Variants in NCOA3 observed in about 807,000 individuals in gnomAD.
NCOA3 encodes CBP-interacting protein.
A neutral mutation model predicts 158.8 loss-of-function variants in NCOA3; 51 were observed. That is an observed-to-expected ratio of 0.32 (90% CI 0.26 to 0.41). The LOEUF (loss-of-function observed/expected upper bound fraction) is 0.41. Ranked by LOEUF, NCOA3 falls within the 10% of genes least tolerant of loss-of-function variation. NCOA3 has a pLI of 1.00. For synonymous variants in NCOA3, 537 were observed against 592.4 expected, an observed-to-expected ratio of 0.91 and a Z score of 1.36; for missense variants, 1,510 against 1,746.6, an observed-to-expected ratio of 0.86 and a Z score of 2.41.
At chr20:47,576,608 CCT>C (rs1296704155) in intron 1 of NCOA3, among the ~76,000 whole-genome samples, 2 of 152,036 alleles carry the variant, frequency 1.3e-5, no homozygotes, top group Non-Finnish European at 2.9e-5. Context: ...TCTCCACTCC[CCT>C]GTCCTTAAAA....
intron 1 of NCOA3, among the ~76,000 whole-genome samples, chr20:47,536,382 C>A (rs1737098608): frequency 6.6e-6 from 1 of 152,162 alleles, no homozygotes; most frequent in African/African-American, 2.4e-5. Context: ...TGGCATGAGC[C>A]CCCTATCCGG....
chr20:47,509,756 T>C (rs942805715), intron 1 of NCOA3, among the ~76,000 whole-genome samples: 2 of 152,124 alleles, frequency 1.3e-5, no homozygotes, highest in Admixed American at 6.5e-5. Flanking sequence ...ATTAAAAAAA[T>C]TTGGCAATTT....
intron 1 of NCOA3, among the ~76,000 whole-genome samples, chr20:47,504,127 GGTT>G (rs1380886819): frequency 1.3e-5 from 2 of 152,140 alleles, no homozygotes. Context: ...ATTTTAGAAT[GGTT>G]GTTTTAACAG....
At chr20:47,524,066 A>G (rs2084387509) in intron 1 of NCOA3, among the ~76,000 whole-genome samples, 1 of 152,234 alleles carries the variant, frequency 6.6e-6, no homozygotes, top group African/African-American at 2.4e-5. Flanking sequence ...CCGAATGGTC[A>G]TTTTCCTGTC....
At chr20:47,565,839 A>G (rs1361992807) in intron 1 of NCOA3, among the ~76,000 whole-genome samples, 1 of 152,132 alleles carries the variant, frequency 6.6e-6, no homozygotes, top group Non-Finnish European at 1.5e-5. Flanking sequence ...ATTTTTGATA[A>G]TACTCCCATG....
At chr20:47,525,678 T>C (rs1299936138) in intron 1 of NCOA3, among the ~76,000 whole-genome samples, 1 of 95,628 alleles carries the variant, frequency 1.0e-5, no homozygotes, top group Admixed American at 1.1e-4. Context: ...CCCCCCCACC[T>C]CCCTCCCGGA....
intron 6 of NCOA3, 76 bp downstream of exon 6, chr20:47,627,252 T>A (rs2086337509): frequency 1.1e-5 from 14 of 1,221,310 alleles, no homozygotes; most frequent in Middle Eastern, 2.6e-4. Context: ...TGAATGTATC[T>A]TTTAGGAAGT....
rs1002633563 is a variant in NCOA3, at chr20:47,642,495, T to C, written c.3252+111T>C. 1.9e-5 allele frequency: 12 copies of C among 627,868 alleles called. No individual in the cohort carries two copies. The African/African-American group carries it at 2.1e-4, about 11-fold the overall frequency. The allele number at this position is 627,868 out of a possible 1,614,324, so 38.9% of individuals were successfully genotyped here. ...CTGTGTGTGTCTCTCCTAGTACTTG[T>C]GTTATATCACTACATTCATGGATAC... On this transcript the variant is annotated intron_variant, in intron 17 of 22. Transcript: ENST00000371998.
At chr20:47,509,622 T>C (rs2084082976) in intron 1 of NCOA3, among the ~76,000 whole-genome samples, 1 of 152,098 alleles carries the variant, frequency 6.6e-6, no homozygotes, top group South Asian at 2.1e-4. Flanking sequence ...TTTGGCAATT[T>C]TGGGGCTGAG....
rs1228109191 is a variant in NCOA3 at position 47,636,188 on chromosome 20, G to T, written c.1802G>T (p.Ser601Ile). 5 of 1,614,080 alleles carry T rather than the reference G, an allele frequency of 3.1e-6. No individual in the cohort carries two copies. Among genetic ancestry groups the T allele is most frequent in the Non-Finnish European group, 4.2e-6 (5 of 1,180,030 alleles). ...CTCAGTGACAAAGAAAGTAAGGAGA[G>T]CAGTGTTGAGGGGGCAGAGAATCAA... ...DHLSDKESKE[S>I]SVEGAENQRG... The change falls in exon 12 of 23, where the codon AGC becomes ATC. Residue 601 changes from serine to isoleucine, a missense_variant. Around this residue, in one of 4 missense-constraint regions of NCOA3, gnomAD observed 1,017 missense variants for 1,098.3 expected, o/e 0.93. Coordinates refer to ENST00000371998, the MANE Select transcript of NCOA3 (RefSeq NM_181659.3).
At chr20:47,581,465 G>A (rs1156467177) in intron 1 of NCOA3, among the ~76,000 whole-genome samples, 1 of 152,042 alleles carries the variant, frequency 6.6e-6, no homozygotes, top group Non-Finnish European at 1.5e-5. Context: ...GCTAGATTGT[G>A]GTTGGCTCTC....
At chr20:47,553,021 C>T (rs1372718586) in intron 1 of NCOA3, among the ~76,000 whole-genome samples, 2 of 151,432 alleles carry the variant, frequency 1.3e-5, no homozygotes, top group Admixed American at 6.6e-5. Context: ...GTAAAGTCTG[C>T]CTCCAGGGCT....
chr20:47,637,688 A>G lies in NCOA3; in HGVS notation c.2417A>G (p.Asp806Gly), dbSNP rs1303327827. ...GATAATCTAGATGCTATTCTTGGTG[A>G]TCTGACTAGTTCTGACTTTTACAAT... Reference protein sequence around the residue: ...DLDNLDAILGDLTSSDFYNNS... With the variant: ...DLDNLDAILGGLTSSDFYNNS... The change falls in exon 13 of 23, where the codon GAT becomes GGT. Residue 806 changes from aspartate (D) to glycine (G), a missense_variant. Coordinates refer to ENST00000371998, the MANE Select transcript of NCOA3 (RefSeq NM_181659.3). 1 of 1,610,868 alleles carries G rather than the reference A, an allele frequency of 6.2e-7. No individual in the cohort carries two copies. The highest frequency in any genetic ancestry group is 8.5e-7 in the Non-Finnish European group (1 of 1,178,636).
intron 1 of NCOA3, among the ~76,000 whole-genome samples, chr20:47,518,865 G>A (rs1312301101): frequency 6.6e-6 from 1 of 152,160 alleles, no homozygotes; most frequent in East Asian, 1.9e-4. Flanking sequence ...GACTGGTGCG[G>A]TGGCTCACGC....
At chr20:47,567,973 G>A (rs1158855856) in intron 1 of NCOA3, among the ~76,000 whole-genome samples, 1 of 152,070 alleles carries the variant, frequency 6.6e-6, no homozygotes, top group Non-Finnish European at 1.5e-5. Flanking sequence ...CAAAGGATTG[G>A]GATTACAGTC....
chr20:47,521,007 A>G (rs2084323361), intron 1 of NCOA3, among the ~76,000 whole-genome samples: 1 of 152,176 alleles, frequency 6.6e-6, no homozygotes, highest in South Asian at 2.1e-4. Context: ...GCACATACAC[A>G]TTTAGCCCTT....
chr20:47,537,216 G>A (rs78572388), intron 1 of NCOA3, among the ~76,000 whole-genome samples: 10,227 of 152,158 alleles, frequency 0.067, 441 homozygotes, highest in Non-Finnish European at 0.097. Context: ...CCTTGGTCTG[G>A]AAGGGACTAA....
chr20:47,571,146 A>G (rs2146201855), intron 1 of NCOA3, among the ~76,000 whole-genome samples: 1 of 150,758 alleles, frequency 6.6e-6, no homozygotes, highest in East Asian at 2.0e-4. Flanking sequence ...CTGGGATTAC[A>G]GGTGTGTGCC....
At chr20:47,532,943 C>A (rs894700853) in intron 1 of NCOA3, among the ~76,000 whole-genome samples, 10 of 150,998 alleles carry the variant, frequency 6.6e-5, no homozygotes, top group Admixed American at 1.3e-4. Context: ...GTCTGTACTA[C>A]AAATACAAAA....
Sources: allele counts gnomAD v4.1 joint callset (sites outside exome capture counted in the v4.1 genomes callset), GRCh38; gene constraint gnomAD v4.1.1; regional missense constraint gnomAD v4.1.1; transcripts MANE v1.5; gene names NCBI Gene and HGNC (gene_info 2026-07-23, HGNC 2026-07-21).